ACSL1: variants seen among roughly 807,000 people sequenced by gnomAD.
The protein encoded by ACSL1 is long-chain-fatty-acid--CoA ligase 1.
ACSL1 carries 41 observed loss-of-function variants against 98.4 expected under a neutral mutation model. The observed-to-expected ratio is 0.42, with a 90% CI of 0.32 to 0.54. The LOEUF (loss-of-function observed/expected upper bound fraction) is 0.54, where lower values mean the gene tolerates loss of function less well. ACSL1 is among the 20% of genes least tolerant of loss of function. The pLI is 0.13. For synonymous variants in ACSL1, 316 were observed against 322.7 expected (o/e 0.98, Z 0.22); for missense variants, 734 against 883.1 (o/e 0.83, Z 2.14).
chr4:184,785,384 G>A lies in ACSL1; in HGVS notation c.311-1393C>T, dbSNP rs572762088. ...CCGATGGCACAAAAGTGCAGCTAGA[G>A]ATGAGAGCCACTGAGAAGCAGGGAG... On this transcript the variant is annotated intron_variant, in intron 3 of 20. Coordinates refer to ENST00000281455, the MANE Select transcript of ACSL1 (RefSeq NM_001995.5). Among the ~76,000 whole-genome samples, 6 of 152,248 alleles carry A rather than the reference G, an allele frequency of 3.9e-5. No homozygotes were observed. In the East Asian group the frequency reaches 1.2e-3, roughly 29 times the overall value.
chr4:184,820,276 C>T (rs1366459518), intron 1 of ACSL1, among the ~76,000 whole-genome samples: 11 of 152,232 alleles, frequency 7.2e-5, no homozygotes, highest in African/African-American at 2.2e-4. Context: ...CTCGGCCTCC[C>T]AAAGTGCTGG....
In ACSL1 at chr4:184,787,246, GA is replaced by G. The variant is rs1767540910; in HGVS notation, c.310+1370del. Among the ~76,000 whole-genome samples, 8 of 152,222 alleles carry G rather than the reference GA, an allele frequency of 5.3e-5. No individual in the cohort carries two copies. The South Asian group carries it at 1.7e-3, about 31-fold the overall frequency. On this transcript the variant is annotated intron_variant, in intron 3 of 20. Transcript: ENST00000281455. The stretch of plus-strand genomic sequence containing the variant: ...AACCAGAGGTACTCCCTCCTTCACT[GA>G]GGATGCATTAGTGGGGCGCTCACTG...
At chr4:184,793,348 G>A (rs1393922166) in intron 2 of ACSL1, among the ~76,000 whole-genome samples, 1 of 152,184 alleles carries the variant, frequency 6.6e-6, no homozygotes, top group Non-Finnish European at 1.5e-5. Context: ...GTCCCCCTTG[G>A]GGGCAGGAAG....
At chr4:184,826,345 G>A (rs1331709516), upstream of ACSL1, among the ~76,000 whole-genome samples, 1 of 152,106 alleles carries the variant, frequency 6.6e-6, no homozygotes, top group Non-Finnish European at 1.5e-5. Flanking sequence ...CGCGATGCCC[G>A]AGGGGCGGGC....
Position 184,776,653 on chromosome 4 carries a change from G to A in ACSL1, c.587C>T (p.Ser196Phe). ...CTCTGGCTTGTCAACAAAAACCAGA[G>A]AGAGTTCAGCTGTAAATGAAGAGAT... ...ITYIVNKAELSLVFVDKPEKA... is the reference protein window; with the variant it reads ...ITYIVNKAELFLVFVDKPEKA... Residue 196 changes from serine to phenylalanine, a missense_variant, in exon 7 of 21, where the codon TCT becomes TTT. Coordinates refer to ENST00000281455, the MANE Select transcript of ACSL1 (RefSeq NM_001995.5). The A allele has an allele frequency of 6.2e-7, 1 of 1,610,846 alleles. No homozygotes were observed.
At chr4:184,758,888 T>C (rs1260040267) in intron 18 of ACSL1, 1 of 143,022 alleles carries the variant, frequency 7.0e-6, no homozygotes, top group African/African-American at 2.6e-5. Flanking sequence ...CCTAATGCTA[T>C]CCCTCCCTCC....
At chr4:184,783,041 C>A (rs1766593333) in intron 4 of ACSL1, among the ~76,000 whole-genome samples, 1 of 152,172 alleles carries the variant, frequency 6.6e-6, no homozygotes, top group Non-Finnish European at 1.5e-5. Flanking sequence ...AGAAGGGGGG[C>A]CAGGGACGGG....
chr4:184,810,516 A>G (rs1771947313), intron 1 of ACSL1, among the ~76,000 whole-genome samples: 1 of 152,194 alleles, frequency 6.6e-6, no homozygotes, highest in Non-Finnish European at 1.5e-5. Flanking sequence ...GTAAGTGCAA[A>G]ATGAATTCTG....
intron 3 of ACSL1, among the ~76,000 whole-genome samples, chr4:184,784,680 T>C (rs1377566989): frequency 1.3e-5 from 2 of 152,152 alleles, no homozygotes; most frequent in East Asian, 3.9e-4. Context: ...TGAGTGTTCG[T>C]GAGGAGGCTC....
chr4:184,780,467 TG>T, intron 4 of ACSL1, 34 bp from the exon 5 acceptor site: 1 of 1,536,836 alleles, frequency 6.5e-7, no homozygotes, highest in Non-Finnish European at 9.0e-7. Context: ...GAAGCAGCAT[TG>T]GGCCCCAACT....
At chr4:184,793,056 G>A (rs1478875185) in intron 2 of ACSL1, among the ~76,000 whole-genome samples, 1 of 152,164 alleles carries the variant, frequency 6.6e-6, no homozygotes, top group African/African-American at 2.4e-5. Flanking sequence ...TTGGGCTCAA[G>A]AAACAGGGCA....
intron 1 of ACSL1, among the ~76,000 whole-genome samples, chr4:184,814,636 T>A (rs1772455394): frequency 6.6e-6 from 1 of 152,202 alleles, no homozygotes; most frequent in African/African-American, 2.4e-5. Context: ...AACTATTAGC[T>A]GTATTTTTAA....
chr4:184,821,238 G>C (rs1048588334), intron 1 of ACSL1: 7 of 373,698 alleles, frequency 1.9e-5, no homozygotes, highest in Non-Finnish European at 3.8e-5. Context: ...CCTGGACCCT[G>C]AAGGAGAAAC....
chr4:184,762,790 C>T (rs79171592), intron 16 of ACSL1, among the ~76,000 whole-genome samples: 1 of 152,180 alleles, frequency 6.6e-6, no homozygotes, highest in East Asian at 1.9e-4. Flanking sequence ...TGGAAAGCCC[C>T]GCAGGGGATG....
At chr4:184,815,534 G>C (rs1579967878) in intron 1 of ACSL1, among the ~76,000 whole-genome samples, 1 of 152,128 alleles carries the variant, frequency 6.6e-6, no homozygotes, top group African/African-American at 2.4e-5. Flanking sequence ...TTGTCTTCAA[G>C]GAGTCCACAG....
chr4:184,763,505 C>T (rs1318934634), intron 15 of ACSL1, among the ~76,000 whole-genome samples: 1 of 152,102 alleles, frequency 6.6e-6, no homozygotes, highest in Non-Finnish European at 1.5e-5. Flanking sequence ...AGTAATTTGG[C>T]CTCTATGTGA....
Position 184,757,184 on chromosome 4 carries a change from C to G in ACSL1, c.2038G>C (p.Glu680Gln), listed in dbSNP as rs748802302. 1.9e-6 allele frequency: 3 copies of G among 1,610,660 alleles called. No individual in the cohort carries two copies. Among genetic ancestry groups the G allele is most frequent in the Non-Finnish European group, 2.5e-6 (3 of 1,177,052 alleles). Residue 680 changes from glutamate to glutamine, a missense_variant, in exon 21 of 21, where the codon GAG becomes CAG. Glu to Gln is a conservative substitution (Grantham distance 29). Coordinates refer to ENST00000281455, the MANE Select transcript of ACSL1 (RefSeq NM_001995.5). This position sits in a 1 kb window ranked among gnomAD's most constrained non-coding sequence, Gnocchi z 4.5. ...LTPTMKAKRP[E>Q]LRNYFRSQID... is the part of the protein sequence containing the mutation. Reference sequence around the variant, plus strand: ...TGCGACCTGAAATAGTTCCGCAGCTCTGGCCTTTTCGCCTTCATTGTTGGA... The same window carrying G: ...TGCGACCTGAAATAGTTCCGCAGCTGTGGCCTTTTCGCCTTCATTGTTGGA...
Position 184,755,806 on chromosome 4 carries a change from C to A in ACSL1, c.*1319G>T, listed in dbSNP as rs1467718448. 1 of 152,586 alleles carries A rather than the reference C, an allele frequency of 6.6e-6. No individual in the cohort carries two copies. Among genetic ancestry groups the A allele is most frequent in the Non-Finnish European group, 1.5e-5 (1 of 68,018 alleles). The allele number at this position is 152,586 out of a possible 1,614,324, so 9.5% of individuals were successfully genotyped here. On this transcript the variant is annotated 3_prime_UTR_variant, in exon 21 of 21. Transcript: ENST00000281455. Reference sequence around the variant, plus strand: ...ACAATGACAATTCTTTAGTGCAAGCCCTGTTGTGCTTGTATATAATACATG... The same window carrying A: ...ACAATGACAATTCTTTAGTGCAAGCACTGTTGTGCTTGTATATAATACATG...
chr4:184,764,795 A>G (rs1229909754), intron 15 of ACSL1, 58 bp downstream of exon 15: 6 of 1,480,770 alleles, frequency 4.1e-6, no homozygotes, highest in Non-Finnish European at 4.6e-6. Flanking sequence ...AATTCCAGAC[A>G]TACCAATAAC....
Sources: gnomAD v4.1 joint callset for allele counts (sites outside exome capture counted in the v4.1 genomes callset) on GRCh38, gnomAD v4.1.1 for gene constraint, Gnocchi (gnomAD v3.1) non-coding constraint, MANE v1.5 for transcripts, NCBI Gene and HGNC (gene_info 2026-07-23, HGNC 2026-07-21) for gene names.